SHC3: variants seen among roughly 807,000 people sequenced by gnomAD.
SHC3 encodes SHC adaptor protein 3.
A neutral mutation model predicts 60.4 loss-of-function variants in SHC3; 15 were observed. The observed-to-expected ratio is 0.25, with a 90% CI of 0.17 to 0.38. The LOEUF (loss-of-function observed/expected upper bound fraction) is 0.38. Ranked by LOEUF, SHC3 falls within the 10% of genes least tolerant of loss-of-function variation. SHC3 has a pLI of 1.00. For synonymous variants in SHC3, 294 were observed against 325.9 expected (o/e 0.90, Z 1.05); for missense variants, 677 against 786.1 (o/e 0.86, Z 1.66).
rs1187094243 is a variant in SHC3, at chr9:89,178,568, T to C, written c.-108A>G. 11 of 1,131,868 alleles carry C rather than the reference T, an allele frequency of 9.7e-6. No individual in the cohort carries two copies. Among genetic ancestry groups the C allele is most frequent in the Non-Finnish European group, 1.3e-5 (11 of 841,604 alleles). The allele number at this position is 1,131,868 out of a possible 1,614,324, so 70.1% of individuals were successfully genotyped here. On this transcript the variant is annotated 5_prime_UTR_variant, in exon 1 of 12. Coordinates refer to ENST00000375835, the MANE Select transcript of SHC3 (RefSeq NM_016848.6). The surrounding 1 kb of genome is among the most constrained non-coding windows in gnomAD (Gnocchi z 6.9). Reference sequence around the variant, plus strand: ...ACTGTCCCCGGAGCGGGACGGAGAGTGGGGGCCCCGGGACAGCCTTCTGGA... The same window carrying C: ...ACTGTCCCCGGAGCGGGACGGAGAGCGGGGGCCCCGGGACAGCCTTCTGGA...
chr9:89,167,838 T>C (rs1826812084), intron 1 of SHC3, among the ~76,000 whole-genome samples: 2 of 152,240 alleles, frequency 1.3e-5, no homozygotes, highest in Admixed American at 1.3e-4. Flanking sequence ...AACACCTTGA[T>C]ACAGAAGCGT....
chr9:89,108,350 CA>C (rs147186310), intron 2 of SHC3, among the ~76,000 whole-genome samples: 2,864 of 143,838 alleles, frequency 0.02, 29 homozygotes, highest in South Asian at 0.037. Flanking sequence ...CCACCTCTAC[CA>C]AAAAAAAAAA....
intron 10 of SHC3, among the ~76,000 whole-genome samples, chr9:89,040,147 C>CTAT (rs1824654603): frequency 1.8e-5 from 1 of 54,628 alleles, no homozygotes; most frequent in Admixed American, 1.8e-4. Flanking sequence ...AGCAGCATCA[C>CTAT]CACCATCATC....
intron 1 of SHC3, among the ~76,000 whole-genome samples, chr9:89,124,070 C>T (rs557166790): frequency 6.6e-6 from 1 of 150,872 alleles, no homozygotes; most frequent in East Asian, 1.9e-4. Context: ...GCATTGCCAG[C>T]AAACATATGA....
rs143195168 is a variant in SHC3, at chr9:89,110,053, C to A, written c.545+2503G>T. 428 of 985,376 alleles carry A rather than the reference C, an allele frequency of 4.3e-4. 4 individuals carry two copies. In the African/African-American group the frequency reaches 6.4e-3, roughly 15 times the overall value. The allele number at this position is 985,376 out of a possible 1,614,324, so 61.0% of individuals were successfully genotyped here. On this transcript the variant is annotated intron_variant, in intron 2 of 11. Coordinates refer to ENST00000375835, the MANE Select transcript of SHC3 (RefSeq NM_016848.6). ...GAGTGATAAATTTCTCCTCAGAACC[C>A]AGCCAATACACTGAAAAAGAACAAA...
chr9:89,049,679 G>T (rs746926222), intron 7 of SHC3, among the ~76,000 whole-genome samples: 2 of 152,186 alleles, frequency 1.3e-5, no homozygotes, highest in Non-Finnish European at 2.9e-5. Flanking sequence ...TGGCCTAAAG[G>T]TTTCTCTGTA....
chr9:89,167,597 A>G (rs764937724), intron 1 of SHC3, among the ~76,000 whole-genome samples: 68 of 152,322 alleles, frequency 4.5e-4, no homozygotes, highest in Middle Eastern at 3.4e-3. Context: ...TCTCAGCCCA[A>G]CTTCCCAAAA....
chr9:89,082,103 A>G (rs1281067073), intron 2 of SHC3, among the ~76,000 whole-genome samples: 2 of 152,040 alleles, frequency 1.3e-5, no homozygotes, highest in Non-Finnish European at 2.9e-5. Context: ...GAGATTCTTG[A>G]GACTAAATCT....
intron 2 of SHC3, among the ~76,000 whole-genome samples, chr9:89,104,581 A>C (rs1341000083): frequency 6.6e-6 from 1 of 152,212 alleles, no homozygotes; most frequent in African/African-American, 2.4e-5. Context: ...GGATTCTTAA[A>C]GGAATTTGTG....
At chr9:89,036,482 C>T (rs777528193) in intron 11 of SHC3, among the ~76,000 whole-genome samples, 2 of 152,184 alleles carry the variant, frequency 1.3e-5, no homozygotes, top group Non-Finnish European at 2.9e-5. Flanking sequence ...AAACGCCACT[C>T]TTGGCTCCTG....
intron 6 of SHC3, among the ~76,000 whole-genome samples, chr9:89,062,496 T>A (rs1160037310): frequency 6.6e-6 from 1 of 152,228 alleles, no homozygotes; most frequent in Admixed American, 6.5e-5. Flanking sequence ...GAGACAAATA[T>A]AGATTCTCAT....
chr9:89,039,420 T>G (rs552278354), intron 10 of SHC3, among the ~76,000 whole-genome samples: 1 of 152,346 alleles, frequency 6.6e-6, no homozygotes, highest in East Asian at 1.9e-4. Context: ...GTTAGAACCA[T>G]TGGCAAAAAT....
Position 89,006,524 on chromosome 9 carries a change from G to A in SHC3, c.*6923C>T, listed in dbSNP as rs1399579543. On this transcript the variant is annotated 3_prime_UTR_variant, in exon 12 of 12. Transcript: ENST00000375835. ...ATACGCCAAGACATAGACTGTTACA[G>A]TAATTCTTTTTGTTTCACAAAAGTT... 2.0e-5 allele frequency: 3 copies of A among 152,240 alleles called. No homozygotes were observed. Among genetic ancestry groups the A allele is most frequent in the Non-Finnish European group, 4.4e-5 (3 of 68,030 alleles). The allele number at this position is 152,240 out of a possible 1,614,324, so 9.4% of individuals were successfully genotyped here.
chr9:89,066,921 G>T (rs1471060900), intron 5 of SHC3, among the ~76,000 whole-genome samples: 1 of 152,144 alleles, frequency 6.6e-6, no homozygotes, highest in Non-Finnish European at 1.5e-5. Flanking sequence ...GGGTGGTGCT[G>T]GGCACTTTTC....
At chr9:89,077,092 G>A (rs1319204396) in intron 3 of SHC3, among the ~76,000 whole-genome samples, 1 of 151,684 alleles carries the variant, frequency 6.6e-6, no homozygotes, top group Non-Finnish European at 1.5e-5. Flanking sequence ...CAGGAGAATC[G>A]CTTGAACCCA....
intron 1 of SHC3, among the ~76,000 whole-genome samples, chr9:89,113,664 T>C (rs1587734756): frequency 6.6e-6 from 1 of 152,272 alleles, no homozygotes; most frequent in South Asian, 2.1e-4. Context: ...GTCACTAAGA[T>C]ATGTGAAGAC....
At chr9:89,157,774 G>A (rs553325686) in intron 1 of SHC3, among the ~76,000 whole-genome samples, 3 of 151,832 alleles carry the variant, frequency 2.0e-5, no homozygotes, top group Non-Finnish European at 2.9e-5. Flanking sequence ...CTGCCACCAC[G>A]CCAGGCTAAT....
In SHC3 at chr9:89,167,959, T is replaced by C. The variant is rs1400623758; in HGVS notation, c.474+10028A>G. Among the ~76,000 whole-genome samples, 4 of 152,084 alleles carry C rather than the reference T, an allele frequency of 2.6e-5. No homozygotes were observed. In the East Asian group the frequency reaches 7.7e-4, roughly 29 times the overall value. On this transcript the variant is annotated intron_variant, in intron 1 of 11. Transcript: ENST00000375835. Reference sequence around the variant, plus strand: ...CCCCACCTCGAGGGACCATATCAGGTGTGATTCCAGGGGCAGGCGGCCACC... The same window carrying C: ...CCCCACCTCGAGGGACCATATCAGGCGTGATTCCAGGGGCAGGCGGCCACC...
At chr9:89,040,557 T>C (rs1038325475) in intron 10 of SHC3, among the ~76,000 whole-genome samples, 5 of 152,176 alleles carry the variant, frequency 3.3e-5, no homozygotes, top group African/African-American at 7.2e-5. Flanking sequence ...AAATTGACTA[T>C]ATTAAACAGT....
Sources: gnomAD v4.1 joint callset for allele counts (sites outside exome capture counted in the v4.1 genomes callset) on GRCh38, gnomAD v4.1.1 for gene constraint, Gnocchi (gnomAD v3.1) non-coding constraint, MANE v1.5 for transcripts, NCBI Gene and HGNC (gene_info 2026-07-23, HGNC 2026-07-21) for gene names.